Variants in PLCH1 observed in about 807,000 individuals in gnomAD.
PLCH1 encodes 1-phosphatidylinositol 4,5-bisphosphate phosphodiesterase eta-1.
PLCH1 carries 60 observed loss-of-function variants against 126.7 expected under a neutral mutation model. The ratio of observed to expected loss-of-function variants is 0.47; its 90% CI spans 0.38 to 0.59. The LOEUF (loss-of-function observed/expected upper bound fraction) is 0.59. Ranked by LOEUF, PLCH1 falls within the 20% of genes least tolerant of loss-of-function variation. PLCH1 has a pLI of 0.00. For missense variants in PLCH1, 1,723 were observed against 2,040.0 expected (o/e 0.84, Z 2.99); for synonymous variants, 719 against 734.9 (o/e 0.98, Z 0.35).
rs115212324 is a variant in PLCH1, at chr3:155,576,423, T to C, written c.771+7049A>G. ...GTTATAAAAGATAGTGAGAATTCCC[T>C]TGGCACAGCCGTGTTTTAAGAATGA... On this transcript the variant is annotated intron_variant, in intron 6 of 22. Transcript: ENST00000460012. Among the ~76,000 whole-genome samples, 905 of 152,296 alleles carry C rather than the reference T, an allele frequency of 5.9e-3. 10 individuals are homozygous for C. Among genetic ancestry groups the C allele is most frequent in the African/African-American group, 0.021 (875 of 41,568 alleles).
intron 11 of PLCH1, among the ~76,000 whole-genome samples, chr3:155,520,408 T>C (rs1720926887): frequency 6.6e-6 from 1 of 152,208 alleles, no homozygotes. Flanking sequence ...CAAAAATTGC[T>C]ACATGTCACT....
At chr3:155,743,215 T>C (rs1346578719) in intron 1 of PLCH1, 6 of 453,046 alleles carry the variant, frequency 1.3e-5, no homozygotes, top group Admixed American at 2.4e-5. Flanking sequence ...GCTGTCAAGA[T>C]TCACAATTTT....
chr3:155,483,672 C>T (rs977795436), intron 22 of PLCH1, among the ~76,000 whole-genome samples: 2 of 152,060 alleles, frequency 1.3e-5, no homozygotes, highest in Non-Finnish European at 2.9e-5. Context: ...CATGTCATTG[C>T]TAATATCTAA....
In PLCH1 at chr3:155,549,773, C is replaced by T. The variant is rs1261521261; in HGVS notation, c.1362+14G>A. On this transcript the variant is annotated intron_variant, in intron 10 of 22. Transcript: ENST00000460012. ...ATAATGAATGTCTTTTATTGCATTA[C>T]TTGAAGTAATTACCTTCACTAGAAT... is the stretch of plus-strand genomic sequence containing the variant. 1 of 1,590,308 alleles carries T rather than the reference C, an allele frequency of 6.3e-7. No individual in the cohort carries two copies. Among genetic ancestry groups the T allele is most frequent in the Admixed American group, 1.7e-5 (1 of 59,440 alleles).
At chr3:155,686,135 C>T (rs192786153) in intron 2 of PLCH1, among the ~76,000 whole-genome samples, 3 of 151,986 alleles carry the variant, frequency 2.0e-5, no homozygotes, top group South Asian at 2.1e-4. Flanking sequence ...TGCATGCATG[C>T]GTGTGTGTGT....
intron 2 of PLCH1, among the ~76,000 whole-genome samples, chr3:155,646,404 G>A (rs535526563): frequency 2.6e-5 from 4 of 152,116 alleles, no homozygotes; most frequent in East Asian, 3.9e-4. Flanking sequence ...AATGACATCC[G>A]GAACAGCGAC....
At chr3:155,679,242 G>C (rs1341601798) in intron 2 of PLCH1, among the ~76,000 whole-genome samples, 1 of 152,086 alleles carries the variant, frequency 6.6e-6, no homozygotes, top group East Asian at 1.9e-4. Context: ...AATATTTTCT[G>C]TATTTTTTTC....
At chr3:155,575,373 C>A (rs188505720) in intron 6 of PLCH1, among the ~76,000 whole-genome samples, 192 of 152,162 alleles carry the variant, frequency 1.3e-3, no homozygotes, top group African/African-American at 4.6e-3. Flanking sequence ...GGAGAGGGCA[C>A]ATATGATTCC....
chr3:155,494,456 T>A lies in PLCH1; in HGVS notation c.1956A>T (p.Lys652Asn). Reference sequence around the variant, plus strand: ...GATTATAAATCATGAACTGCTCTGATTTTTGCTGAACAACCTGATGTGCTC... The same window carrying A: ...GATTATAAATCATGAACTGCTCTGAATTTTGCTGAACAACCTGATGTGCTC... The part of the protein sequence containing the change: ...ETRAHQVVQQ[K>N]SEQFMIYNQK... The change falls in exon 16 of 23, where the codon AAA becomes AAT. Residue 652 changes from lysine (K) to asparagine (N), a missense_variant. Transcript: ENST00000460012. The A allele has an allele frequency of 6.2e-7, 1 of 1,614,100 alleles. No individual in the cohort carries two copies. Among genetic ancestry groups the A allele is most frequent in the Non-Finnish European group, 8.5e-7 (1 of 1,179,936 alleles).
At chr3:155,464,874 G>A (rs1277081915) in intron 21 of PLCH1, among the ~76,000 whole-genome samples, 1 of 152,166 alleles carries the variant, frequency 6.6e-6, no homozygotes, top group African/African-American at 2.4e-5. Context: ...ACTTTGGGAG[G>A]CCAAGGCAGG....
chr3:155,738,338 T>TGCGCTATTAA (rs1197777568), intron 1 of PLCH1, among the ~76,000 whole-genome samples: 9 of 152,120 alleles, frequency 5.9e-5, no homozygotes, highest in African/African-American at 2.2e-4. Context: ...TAAGGTGTGG[T>TGCGCTATTAA]GCGCTATTAA....
chr3:155,523,053 C>T (rs982129348), intron 11 of PLCH1, among the ~76,000 whole-genome samples: 1 of 152,112 alleles, frequency 6.6e-6, no homozygotes, highest in East Asian at 1.9e-4. Context: ...CGGCTCACTG[C>T]AAGCTCCGCC....
intron 2 of PLCH1, among the ~76,000 whole-genome samples, chr3:155,661,285 G>A (rs1373604695): frequency 1.3e-5 from 2 of 152,182 alleles, no homozygotes; most frequent in South Asian, 2.1e-4. Flanking sequence ...ACAGAGCACT[G>A]AGTCCAGGGT....
chr3:155,735,696 AT>A (rs1449906389), intron 1 of PLCH1, among the ~76,000 whole-genome samples: 1 of 151,796 alleles, frequency 6.6e-6, no homozygotes, highest in African/African-American at 2.4e-5. Flanking sequence ...AAAGAAAAAG[AT>A]AAAAAAAGTA....
At chr3:155,466,412 C>A (rs1368413213) in intron 21 of PLCH1, among the ~76,000 whole-genome samples, 2 of 152,314 alleles carry the variant, frequency 1.3e-5, no homozygotes, top group East Asian at 3.9e-4. Flanking sequence ...TATGAGTCTG[C>A]AAGAACCACA....
At chr3:155,494,109 C>G in intron 17 of PLCH1, 32 bp downstream of exon 17, 1 of 1,503,244 alleles carries the variant, frequency 6.7e-7, no homozygotes, top group Non-Finnish European at 9.3e-7. Context: ...TTAACACACA[C>G]CTGCATTTAT....
chr3:155,571,740 T>C (rs1211955549), intron 6 of PLCH1, among the ~76,000 whole-genome samples: 1 of 152,222 alleles, frequency 6.6e-6, no homozygotes, highest in Non-Finnish European at 1.5e-5. Flanking sequence ...TGCTATATTG[T>C]ACACTTTAAA....
intron 10 of PLCH1, among the ~76,000 whole-genome samples, chr3:155,542,769 G>A (rs1724537607): frequency 6.6e-6 from 1 of 152,202 alleles, no homozygotes; most frequent in African/African-American, 2.4e-5. Flanking sequence ...CTGGTACCCA[G>A]GCAAACAGGG....
At position 155,554,062 on chromosome 3, in the gene PLCH1, G is replaced by A; in HGVS notation, c.1190+14C>T. The stretch of plus-strand genomic sequence containing the variant: ...GGAGGCTACCGCTTAGCTCACAGGT[G>A]CTGCTTTACTTACTCATTCTTCACA... On this transcript the variant is annotated intron_variant, in intron 9 of 22. Coordinates refer to ENST00000460012, the MANE Select transcript of PLCH1 (RefSeq NM_014996.4). 6.2e-7 allele frequency: 1 copy of A among 1,612,760 alleles called. No individual in the cohort carries two copies. Among genetic ancestry groups the A allele is most frequent in the South Asian group, 1.1e-5 (1 of 90,892 alleles).
Sources: allele counts gnomAD v4.1 joint callset (sites outside exome capture counted in the v4.1 genomes callset), GRCh38; gene constraint gnomAD v4.1.1; transcripts MANE v1.5; gene names NCBI Gene and HGNC (gene_info 2026-07-23, HGNC 2026-07-21).